The following LMX1B variants were observed in gnomAD, a reference collection of about 807,000 sequenced individuals.
LMX1B encodes LIM homeobox transcription factor 1-beta.
LMX1B carries 12 observed loss-of-function variants against 51.4 expected under a neutral mutation model. The observed-to-expected ratio is 0.23, with a 90% CI of 0.15 to 0.38. The LOEUF is 0.38. LMX1B is among the 10% of genes least tolerant of loss of function. The pLI is 1.00. For missense variants in LMX1B, 445 were observed against 571.1 expected, an observed-to-expected ratio of 0.78 and a Z score of 2.25; for synonymous variants, 237 against 235.4, an observed-to-expected ratio of 1.01 and a Z score of -0.06.
intron 2 of LMX1B, among the ~76,000 whole-genome samples, chr9:126,674,441 C>A (rs1836518087): frequency 6.6e-6 from 1 of 152,190 alleles, no homozygotes; most frequent in African/African-American, 2.4e-5. Flanking sequence ...TGTGAACAGG[C>A]AGAGATGGGG....
intron 2 of LMX1B, among the ~76,000 whole-genome samples, chr9:126,685,747 G>A (rs1020193285): frequency 2.0e-5 from 3 of 152,188 alleles, no homozygotes; most frequent in African/African-American, 4.8e-5. Flanking sequence ...TAAGCGGAGA[G>A]TTAGGGTGGT....
intron 3 of LMX1B, among the ~76,000 whole-genome samples, chr9:126,692,388 G>A (rs929059073): frequency 1.3e-5 from 2 of 152,238 alleles, no homozygotes; most frequent in Non-Finnish European, 2.9e-5. Flanking sequence ...ATCCATCTGG[G>A]GCTGCTGGCA....
chr9:126,671,489 G>A lies in LMX1B; in HGVS notation c.327-19347G>A, dbSNP rs1041145606. Among the ~76,000 whole-genome samples the A allele has an allele frequency of 5.9e-5, 9 of 152,028 alleles. No homozygotes were observed. Among genetic ancestry groups the A allele is most frequent in the African/African-American group, 2.2e-4 (9 of 41,378 alleles). On this transcript the variant is annotated intron_variant, in intron 2 of 7. Coordinates refer to ENST00000373474, the MANE Select transcript of LMX1B (RefSeq NM_001174147.2). The surrounding 1 kb of genome is among the most constrained non-coding windows in gnomAD (Gnocchi z 4.4). The stretch of plus-strand genomic sequence containing the variant: ...CTGCAGAGTGGCTGGGTAAATAGTC[G>A]CCGCAGTAATCGCAGGCTGATTCCA...
At chr9:126,648,250 A>G (rs1030860821) in intron 2 of LMX1B, among the ~76,000 whole-genome samples, 6 of 152,222 alleles carry the variant, frequency 3.9e-5, no homozygotes, top group Admixed American at 3.9e-4. Flanking sequence ...CTCGGCACTA[A>G]TAGCCGGGAA....
intron 2 of LMX1B, among the ~76,000 whole-genome samples, chr9:126,664,894 A>G (rs934580747): frequency 7.9e-5 from 12 of 152,116 alleles, no homozygotes; most frequent in African/African-American, 2.4e-4. Context: ...ATAAATGCAC[A>G]CGTTGTGCAA....
intron 2 of LMX1B, among the ~76,000 whole-genome samples, chr9:126,633,652 C>T (rs964486784): frequency 3.3e-5 from 5 of 152,162 alleles, no homozygotes; most frequent in Non-Finnish European, 7.3e-5. Flanking sequence ...CCACGGAGTC[C>T]ACCAGCACAT....
chr9:126,652,303 G>A (rs574682082), intron 2 of LMX1B, among the ~76,000 whole-genome samples: 1 of 149,388 alleles, frequency 6.7e-6, no homozygotes. Context: ...AGAAGGGGGG[G>A]GGGATTTTCT....
rs950961661 is a variant in LMX1B, at chr9:126,673,906, G to A, written c.327-16930G>A. On this transcript the variant is annotated intron_variant, in intron 2 of 7. Transcript: ENST00000373474. This position sits in a 1 kb window ranked among gnomAD's most constrained non-coding sequence, Gnocchi z 4.4. ...ACAGCCGCTGCCCTGTCCTCTCTGC[G>A]GCCGTGGCCAGGTACACAGGCCTGT... 2.6e-5 allele frequency among the ~76,000 whole-genome samples: 4 copies of A among 152,200 alleles called. No homozygotes were observed. Among genetic ancestry groups the A allele is most frequent in the East Asian group, 1.9e-4 (1 of 5,190 alleles).
chr9:126,695,203 C>T lies in LMX1B; in HGVS notation c.887-636C>T, dbSNP rs76759639. ...CTCGGTCTCCTCCTCCAGCCTTTCT[C>T]ACCCTCGTCTACCAAACCCTCCAGC... On this transcript the variant is annotated intron_variant, in intron 6 of 7. Coordinates refer to ENST00000373474, the MANE Select transcript of LMX1B (RefSeq NM_001174147.2). This position sits in a 1 kb window ranked among gnomAD's most constrained non-coding sequence, Gnocchi z 5.2. 4.2e-3 allele frequency among the ~76,000 whole-genome samples: 647 copies of T among 152,306 alleles called. 9 individuals are homozygous for T. The highest frequency in any genetic ancestry group is 0.015 in the African/African-American group (616 of 41,560).
At chr9:126,687,735 A>G (rs1381194584) in intron 2 of LMX1B, among the ~76,000 whole-genome samples, 2 of 152,090 alleles carry the variant, frequency 1.3e-5, no homozygotes, top group African/African-American at 4.8e-5. Context: ...GAGAAGAAAA[A>G]TTACTTGCCC....
At chr9:126,682,909 A>AG (rs1836702784) in intron 2 of LMX1B, among the ~76,000 whole-genome samples, 1 of 150,494 alleles carries the variant, frequency 6.6e-6, no homozygotes. Context: ...AAAAAAAAAA[A>AG]AAAAAAGAAA....
chr9:126,624,737 A>G (rs1214306782), intron 2 of LMX1B, among the ~76,000 whole-genome samples: 1 of 151,446 alleles, frequency 6.6e-6, no homozygotes, highest in African/African-American at 2.4e-5. Flanking sequence ...TTTACTCTTA[A>G]CAGACTTGTA....
chr9:126,675,279 T>A (rs1013899460), intron 2 of LMX1B, among the ~76,000 whole-genome samples: 32 of 151,448 alleles, frequency 2.1e-4, no homozygotes, highest in African/African-American at 6.3e-4. Flanking sequence ...TGGAGGAGGG[T>A]CAAATGAAAG....
intron 2 of LMX1B, among the ~76,000 whole-genome samples, chr9:126,665,296 C>G (rs1376368279): frequency 6.6e-6 from 1 of 152,242 alleles, no homozygotes; most frequent in African/African-American, 2.4e-5. Context: ...TTGGGCCTCC[C>G]CCTGGAGCCA....
In LMX1B at chr9:126,696,021, C is replaced by T. The variant is rs758498447; in HGVS notation, c.1051+18C>T. 31 of 837,730 alleles carry T rather than the reference C, an allele frequency of 3.7e-5. No homozygotes were observed. The highest frequency in any genetic ancestry group is 4.6e-5 in the Non-Finnish European group (27 of 592,642). 51.9% of individuals were successfully genotyped at this position (837,730 alleles called of 1,614,324 possible). A position where few individuals can be genotyped will look rare whatever the true frequency, so the allele number is the denominator to read the frequency against. On this transcript the variant is annotated intron_variant, in intron 7 of 7. Transcript: ENST00000373474. ...CCCCTATGGTAAGCCGCCCTACCCCCACCCGCCCGCCCCAGCACAGCCCCT... is the reference window on the plus strand; with the variant it reads ...CCCCTATGGTAAGCCGCCCTACCCCTACCCGCCCGCCCCAGCACAGCCCCT...
chr9:126,664,478 G>A (rs1007270736), intron 2 of LMX1B, among the ~76,000 whole-genome samples: 1 of 152,224 alleles, frequency 6.6e-6, no homozygotes, highest in African/African-American at 2.4e-5. Flanking sequence ...GAGCCAAGAG[G>A]TGTCACCTCC....
At chr9:126,627,446 G>T (rs567306234) in intron 2 of LMX1B, among the ~76,000 whole-genome samples, 16 of 152,086 alleles carry the variant, frequency 1.1e-4, no homozygotes, top group African/African-American at 3.1e-4. Context: ...TCTCCCTCCT[G>T]TCCCCAAGGG....
intron 2 of LMX1B, among the ~76,000 whole-genome samples, chr9:126,650,404 G>A (rs1420041225): frequency 3.9e-5 from 6 of 152,148 alleles, no homozygotes; most frequent in Admixed American, 1.3e-4. Flanking sequence ...CGGGAGCTCC[G>A]AGGGGGCAGC....
intron 2 of LMX1B, among the ~76,000 whole-genome samples, chr9:126,636,980 C>T (rs1283903914): frequency 2.0e-5 from 3 of 152,210 alleles, no homozygotes; most frequent in Non-Finnish European, 4.4e-5. Context: ...AAGCCTTGGG[C>T]AAGAGGGTAG....
Sources: gnomAD v4.1 joint callset for allele counts (sites outside exome capture counted in the v4.1 genomes callset) on GRCh38, gnomAD v4.1.1 for gene constraint, Gnocchi (gnomAD v3.1) non-coding constraint, MANE v1.5 for transcripts, NCBI Gene and HGNC (gene_info 2026-07-23, HGNC 2026-07-21) for gene names.